The following PCDHGB1 variants were observed in gnomAD, a reference collection of about 807,000 sequenced individuals.
PCDHGB1 encodes the protein protocadherin gamma-B1.
Under a neutral mutation model 56.6 loss-of-function variants are expected in PCDHGB1, and 34 were observed. That is an observed-to-expected ratio of 0.60 (90% confidence interval 0.46 to 0.80). The LOEUF (loss-of-function observed/expected upper bound fraction) is 0.80, where lower values mean the gene tolerates loss of function less well. PCDHGB1 is among the 30% of genes least tolerant of loss of function. The probability of loss-of-function intolerance (pLI) is 0.00; values close to 1 mark genes in which losing one functional copy is unlikely to be tolerated. For synonymous variants in PCDHGB1, 561 were observed against 505.9 expected (o/e 1.11, Z -1.46); for missense variants, 1,278 against 1,204.6 (o/e 1.06, Z -0.90).
At chr5:141,405,473 G>A in intron 1 of PCDHGB1, 3 of 1,066,958 alleles carry the variant, frequency 2.8e-6, no homozygotes, top group Non-Finnish European at 4.0e-6. Flanking sequence ...AGGCTGGAAT[G>A]CAGTGGTGTG....
chr5:141,408,617 C>T (rs2095139011), intron 1 of PCDHGB1: 2 of 1,614,004 alleles, frequency 1.2e-6, no homozygotes, highest in African/African-American at 2.7e-5. Flanking sequence ...AAAGGAAATA[C>T]ATTTAGAAAT....
intron 2 of PCDHGB1, among the ~76,000 whole-genome samples, chr5:141,501,802 C>T (rs2099811151): frequency 1.3e-5 from 2 of 152,154 alleles, no homozygotes; most frequent in Non-Finnish European, 2.9e-5. Context: ...ATCTCTTACC[C>T]AGCTTCACAT....
chr5:141,434,254 T>C (rs1440934691), intron 1 of PCDHGB1, among the ~76,000 whole-genome samples: 3 of 152,176 alleles, frequency 2.0e-5, no homozygotes, highest in Admixed American at 6.5e-5. Context: ...TTGGGCATTG[T>C]GGGGGAGGTG....
intron 1 of PCDHGB1, chr5:141,433,010 C>A (rs1392666523): frequency 6.2e-7 from 1 of 1,614,178 alleles, no homozygotes. Flanking sequence ...GGCTTTCCTG[C>A]AGACCTATTC....
chr5:141,460,278 G>C (rs1380767218), intron 1 of PCDHGB1, among the ~76,000 whole-genome samples: 1 of 151,964 alleles, frequency 6.6e-6, no homozygotes, highest in African/African-American at 2.4e-5. Context: ...TTCTTTTATA[G>C]TTTGTATTTC....
intron 1 of PCDHGB1, chr5:141,411,955 A>C (rs1427605209): frequency 6.6e-5 from 10 of 152,244 alleles, no homozygotes; most frequent in African/African-American, 1.2e-4. Context: ...TTTGAAGAAA[A>C]AAGATAAAAT....
rs558074504 is a variant in PCDHGB1 at position 141,489,065 on chromosome 5, C to A, written c.2410-5742C>A. ...CCACTCAAATTCAGCTCCCCTCCCCCCTGCCCACCCCCGCCACTCGGTGAC... is the reference window on the plus strand; with the variant it reads ...CCACTCAAATTCAGCTCCCCTCCCCACTGCCCACCCCCGCCACTCGGTGAC... On this transcript the variant is annotated intron_variant, in intron 1 of 3. Transcript: ENST00000523390. The surrounding 1 kb of genome is among the most constrained non-coding windows in gnomAD (Gnocchi z 4.5). 1,377 of 389,040 alleles carry A rather than the reference C, an allele frequency of 3.5e-3. 31 individuals carry two copies. Among genetic ancestry groups the A allele is most frequent in the Admixed American group, 9.8e-3 (226 of 22,946 alleles). 24.1% of individuals were successfully genotyped at this position (389,040 alleles called of 1,614,324 possible).
At chr5:141,371,483 G>T in intron 1 of PCDHGB1, 1 of 1,613,952 alleles carries the variant, frequency 6.2e-7, no homozygotes, top group Non-Finnish European at 8.5e-7. Context: ...CTGAGCTGGG[G>T]ACTGCCGTTG....
At chr5:141,439,126 G>A (rs2098089550) in intron 1 of PCDHGB1, among the ~76,000 whole-genome samples, 1 of 151,328 alleles carries the variant, frequency 6.6e-6, no homozygotes, top group African/African-American at 2.4e-5. Flanking sequence ...CCGGGAGACA[G>A]AGGTTGCAGT....
rs746968245 is a variant in PCDHGB1, at chr5:141,489,575, A to AC, written c.2410-5227dup. 2 of 1,613,788 alleles carry AC rather than the reference A, an allele frequency of 1.2e-6. No homozygotes were observed. Among genetic ancestry groups the AC allele is most frequent in the Non-Finnish European group, 1.7e-6 (2 of 1,179,960 alleles). On this transcript the variant is annotated intron_variant, in intron 1 of 3. Coordinates refer to ENST00000523390, the MANE Select transcript of PCDHGB1 (RefSeq NM_018922.3). The surrounding 1 kb of genome is among the most constrained non-coding windows in gnomAD (Gnocchi z 4.5). ...CTGCCAGTGCAGGTGGTGACTGAACACCCCCTGGAGCTAATCCGTGTAGAG... is the reference window on the plus strand; with the variant it reads ...CTGCCAGTGCAGGTGGTGACTGAACACCCCCCTGGAGCTAATCCGTGTAGAG...
intron 1 of PCDHGB1, chr5:141,357,741 T>C: frequency 1.6e-6 from 2 of 1,282,110 alleles, no homozygotes; most frequent in Non-Finnish European, 2.1e-6. Context: ...TTTTATTGCT[T>C]TAAAGAAAAC....
At chr5:141,422,639 C>G (rs777330051) in intron 1 of PCDHGB1, 1 of 1,612,662 alleles carries the variant, frequency 6.2e-7, no homozygotes. Flanking sequence ...AGGGGTGCCT[C>G]CATCTTCTCA....
intron 1 of PCDHGB1, chr5:141,379,619 T>C (rs1045405424): frequency 6.6e-6 from 1 of 152,170 alleles, no homozygotes; most frequent in African/African-American, 2.4e-5. Context: ...TTTAAACAAA[T>C]AAAATATTTC....
At chr5:141,443,792 A>G (rs540226154) in intron 1 of PCDHGB1, among the ~76,000 whole-genome samples, 67 of 152,366 alleles carry the variant, frequency 4.4e-4, no homozygotes, top group African/African-American at 1.4e-3. Flanking sequence ...AAAAAAAATG[A>G]AAAGGAAACA....
chr5:141,428,729 ATAT>A (rs2097158318), intron 1 of PCDHGB1: 2 of 159,768 alleles, frequency 1.3e-5, no homozygotes. Flanking sequence ...AATCTTAAAC[ATAT>A]TATATCTACT....
rs773389466 is a variant in PCDHGB1, at chr5:141,388,420, C to T, written c.2409+35751C>T. The T allele has an allele frequency of 3.1e-6, 5 of 1,613,778 alleles. No homozygotes were observed. The South Asian group carries it at 4.4e-5, about 14-fold the overall frequency. ...CAACTCAGTCCCAGTGATCATTTCT[C>T]ACTGATAAATAAAGAGAAATCAGAT... On this transcript the variant is annotated intron_variant, in intron 1 of 3. Coordinates refer to ENST00000523390, the MANE Select transcript of PCDHGB1 (RefSeq NM_018922.3).
rs144490159 is a variant in PCDHGB1, at chr5:141,418,260, G to A, written c.2409+65591G>A. The A allele has an allele frequency of 5.0e-3, 7,995 of 1,614,000 alleles. 44 individuals carry two copies. Among genetic ancestry groups the A allele is most frequent in the Admixed American group, 9.4e-3 (566 of 60,026 alleles). ...GTTAATGACCACGCCCCTCAATTCCGGAAAGATGAAATAAACTTAGAAATC... is the reference window on the plus strand; with the variant it reads ...GTTAATGACCACGCCCCTCAATTCCAGAAAGATGAAATAAACTTAGAAATC... On this transcript the variant is annotated intron_variant, in intron 1 of 3. Coordinates refer to ENST00000523390, the MANE Select transcript of PCDHGB1 (RefSeq NM_018922.3).
intron 1 of PCDHGB1, chr5:141,372,877 A>G: frequency 1.6e-6 from 2 of 1,270,298 alleles, no homozygotes; most frequent in Non-Finnish European, 2.1e-6. Flanking sequence ...TAGAGATAAA[A>G]AGAATACAGA....
At chr5:141,447,976 C>T (rs774074042) in intron 1 of PCDHGB1, among the ~76,000 whole-genome samples, 18 of 151,938 alleles carry the variant, frequency 1.2e-4, no homozygotes, top group Non-Finnish European at 2.5e-4. Flanking sequence ...ATCCCAGCTA[C>T]TCGGGAGGCT....
Sources: allele counts gnomAD v4.1 joint callset (sites outside exome capture counted in the v4.1 genomes callset), GRCh38; gene constraint gnomAD v4.1.1; non-coding constraint Gnocchi (gnomAD v3.1); transcripts MANE v1.5; gene names NCBI Gene and HGNC (gene_info 2026-07-23, HGNC 2026-07-21).